The following PHKB variants were observed in gnomAD, a reference collection of about 807,000 sequenced individuals.
PHKB encodes phosphorylase kinase regulatory subunit beta, also known as phosphorylase b kinase regulatory subunit beta.
Under a neutral mutation model 152.1 loss-of-function variants are expected in PHKB, and 122 were observed. The ratio of observed to expected loss-of-function variants is 0.80; its 90% CI spans 0.69 to 0.93. The LOEUF (loss-of-function observed/expected upper bound fraction) is 0.93. Among genes scored for constraint, PHKB ranks in the 40% least tolerant of loss-of-function variants. The pLI, the probability that PHKB is intolerant of heterozygous loss-of-function variation, is 0.00. For missense variants in PHKB, 1,304 were observed against 1,328.4 expected, an observed-to-expected ratio of 0.98 and a Z score of 0.29; for synonymous variants, 436 against 464.9, an observed-to-expected ratio of 0.94 and a Z score of 0.80.
At chr16:47,678,252 C>T (rs927278005) in intron 26 of PHKB, among the ~76,000 whole-genome samples, 4 of 152,034 alleles carry the variant, frequency 2.6e-5, no homozygotes, top group African/African-American at 7.3e-5. Context: ...GTCTTTATAG[C>T]AGCATGATTT....
At chr16:47,620,614 G>T (rs529277800) in intron 14 of PHKB, among the ~76,000 whole-genome samples, 6 of 152,240 alleles carry the variant, frequency 3.9e-5, no homozygotes. Flanking sequence ...GGTGGCTCAC[G>T]CCTGTAATCC....
chr16:47,483,209 T>G (rs185951996), intron 1 of PHKB, among the ~76,000 whole-genome samples: 1 of 151,234 alleles, frequency 6.6e-6, no homozygotes, highest in Admixed American at 6.6e-5. Flanking sequence ...CAGCTAAGCT[T>G]TGTATTTTTT....
chr16:47,604,707 T>C (rs1486420828), intron 13 of PHKB, among the ~76,000 whole-genome samples: 1 of 152,212 alleles, frequency 6.6e-6, no homozygotes, highest in Non-Finnish European at 1.5e-5. Flanking sequence ...AGATTTTTCT[T>C]AATATTTTCT....
chr16:47,636,739 T>G (rs1284566249), intron 14 of PHKB, among the ~76,000 whole-genome samples: 1 of 152,208 alleles, frequency 6.6e-6, no homozygotes, highest in Non-Finnish European at 1.5e-5. Flanking sequence ...GTTGTGGGCC[T>G]GCAGGTATCC....
intron 7 of PHKB, among the ~76,000 whole-genome samples, chr16:47,553,942 C>T (rs1289141906): frequency 6.6e-6 from 1 of 152,134 alleles, no homozygotes; most frequent in Non-Finnish European, 1.5e-5. Flanking sequence ...CGCCAGATGC[C>T]AGCTGGATCT....
intron 26 of PHKB, among the ~76,000 whole-genome samples, chr16:47,673,340 G>C (rs1458139445): frequency 6.6e-6 from 1 of 152,084 alleles, no homozygotes; most frequent in Non-Finnish European, 1.5e-5. Flanking sequence ...AGCAAAAAGA[G>C]AGCATGTCTC....
chr16:47,653,703 A>G (rs1007470262), intron 20 of PHKB, among the ~76,000 whole-genome samples: 1 of 152,210 alleles, frequency 6.6e-6, no homozygotes, highest in African/African-American at 2.4e-5. Flanking sequence ...TTTAAGAAAT[A>G]TGTGGGCCTA....
intron 14 of PHKB, among the ~76,000 whole-genome samples, chr16:47,612,550 G>A (rs1478049802): frequency 6.6e-6 from 1 of 152,176 alleles, no homozygotes; most frequent in Non-Finnish European, 1.5e-5. Context: ...CACTCTACAG[G>A]TATGTTTTAT....
rs912134908 is a variant in PHKB, at chr16:47,644,859, G to A, written c.1608+3167G>A. ...TAGCAAACAGCCTGGCATATCAAAG[G>A]TGCTTGTGAAATTTTCTAGTAGAAA... On this transcript the variant is annotated intron_variant, in intron 16 of 30. Transcript: ENST00000323584. 3.9e-5 allele frequency among the ~76,000 whole-genome samples: 6 copies of A among 152,220 alleles called. No individual in the cohort carries two copies. In the East Asian group the frequency reaches 9.7e-4, roughly 24 times the overall value.
Position 47,650,621 on chromosome 16 carries a change from T to C in PHKB, c.1875T>C (p.Asn625=), listed in dbSNP as rs1973219974. ...PLFLVLIRED[N]IRGSRFNPIL... Reference sequence around the variant, plus strand: ...TCCTTGTTCTCATCCGGGAAGACAATATAAGGTAGGTTGATAAAAGAAGTA... The same window carrying C: ...TCCTTGTTCTCATCCGGGAAGACAACATAAGGTAGGTTGATAAAAGAAGTA... Residue 625 remains asparagine, a synonymous_variant, in exon 19 of 31, where the codon AAT becomes AAC. Coordinates refer to ENST00000323584, the MANE Select transcript of PHKB (RefSeq NM_000293.3). 6.3e-7 allele frequency: 1 copy of C among 1,599,990 alleles called. No individual in the cohort carries two copies. The highest frequency in any genetic ancestry group is 8.6e-7 in the Non-Finnish European group (1 of 1,167,304).
chr16:47,662,341 A>G (rs978937518), intron 23 of PHKB, among the ~76,000 whole-genome samples: 1 of 152,228 alleles, frequency 6.6e-6, no homozygotes, highest in Non-Finnish European at 1.5e-5. Context: ...TTGCATGTGG[A>G]GTCACCACTG....
At chr16:47,654,231 G>A (rs1250066579) in intron 20 of PHKB, among the ~76,000 whole-genome samples, 1 of 152,152 alleles carries the variant, frequency 6.6e-6, no homozygotes, top group East Asian at 1.9e-4. Context: ...TCAGAGAAAT[G>A]CACATCAAAA....
chr16:47,663,952 C>T (rs1298632145), intron 24 of PHKB: 2 of 595,916 alleles, frequency 3.4e-6, no homozygotes, highest in African/African-American at 3.7e-5. Flanking sequence ...GGGATTGAAC[C>T]TGAAGAGTAT....
chr16:47,658,207 A>G lies in PHKB; in HGVS notation c.1972-2299A>G, dbSNP rs1482502628. Among the ~76,000 whole-genome samples the G allele has an allele frequency of 3.9e-5, 6 of 152,264 alleles. No homozygotes were observed. The East Asian group carries it at 1.2e-3, about 29-fold the overall frequency. ...CTCGCTGCTCTCAAAGACACTAAGC[A>G]TGCTCCTGCCTCAGGACCTTTGCAC... On this transcript the variant is annotated intron_variant, in intron 20 of 30. Transcript: ENST00000323584.
intron 7 of PHKB, chr16:47,561,346 G>T (rs915244672): frequency 4.6e-5 from 7 of 152,162 alleles, no homozygotes; most frequent in Non-Finnish European, 7.3e-5. Context: ...GGATTAAAGA[G>T]GTTGCTCTGT....
intron 1 of PHKB, among the ~76,000 whole-genome samples, chr16:47,484,452 G>C (rs191344069): frequency 1.5e-4 from 23 of 152,264 alleles, no homozygotes; most frequent in Admixed American, 1.2e-3. Flanking sequence ...ATAATAAATA[G>C]GAGTTGTTAA....
chr16:47,642,280 T>C (rs1472013700), intron 16 of PHKB, among the ~76,000 whole-genome samples: 1 of 152,218 alleles, frequency 6.6e-6, no homozygotes, highest in Non-Finnish European at 1.5e-5. Context: ...AAAGCAATTA[T>C]AAAGTAAAAG....
chr16:47,514,379 T>C (rs1014156080), intron 5 of PHKB, among the ~76,000 whole-genome samples: 9 of 152,312 alleles, frequency 5.9e-5, no homozygotes, highest in Non-Finnish European at 1.0e-4. Flanking sequence ...GCCAGTGGTG[T>C]AACTCTCTGT....
At chr16:47,565,210 C>A (rs1971545366) in intron 7 of PHKB, 1 of 637,610 alleles carries the variant, frequency 1.6e-6, no homozygotes, top group Admixed American at 1.8e-5. Context: ...CAGATCTGGA[C>A]TCTTGATCCT....
Sources: gnomAD v4.1 joint callset for allele counts (sites outside exome capture counted in the v4.1 genomes callset) on GRCh38, gnomAD v4.1.1 for gene constraint, MANE v1.5 for transcripts, NCBI Gene and HGNC (gene_info 2026-07-23, HGNC 2026-07-21) for gene names.